The following SCCPDH variants were observed in gnomAD, a reference collection of about 807,000 sequenced individuals.
SCCPDH encodes saccharopine dehydrogenase (putative), also known as saccharopine dehydrogenase-like oxidoreductase.
In SCCPDH, 34 loss-of-function variants were observed where a neutral mutation model predicts 51.5. The ratio of observed to expected loss-of-function variants is 0.66; its 90% CI spans 0.50 to 0.88. SCCPDH has a LOEUF of 0.88. SCCPDH is among the 40% of genes least tolerant of loss of function. The probability of loss-of-function intolerance (pLI) is 0.00; values close to 1 mark genes in which losing one functional copy is unlikely to be tolerated. For missense variants in SCCPDH, 464 were observed against 527.1 expected (o/e 0.88, Z 1.17); for synonymous variants, 187 against 191.3 (o/e 0.98, Z 0.19).
chr1:246,759,171 T>C lies in SCCPDH; in HGVS notation c.813+20T>C, dbSNP rs1210085941. ...TCACCAGTAAGTATATATGGTTTATTTATCAATAAAGTGTGTGTTACAGTT... is the reference window on the plus strand; with the variant it reads ...TCACCAGTAAGTATATATGGTTTATCTATCAATAAAGTGTGTGTTACAGTT... On this transcript the variant is annotated intron_variant, in intron 7 of 11. Transcript: ENST00000366510. 2 of 1,234,734 alleles carry C rather than the reference T, an allele frequency of 1.6e-6. No homozygotes were observed. The highest frequency in any genetic ancestry group is 2.4e-6 in the Non-Finnish European group (2 of 834,950). 76.5% of individuals were successfully genotyped at this position (1,234,734 alleles called of 1,614,324 possible).
chr1:246,751,302 T>G (rs1668848228), intron 5 of SCCPDH, among the ~76,000 whole-genome samples: 1 of 152,246 alleles, frequency 6.6e-6, no homozygotes, highest in Non-Finnish European at 1.5e-5. Context: ...CCCTTTATAA[T>G]TTTTGTTAAA....
At chr1:246,727,137 T>C (rs2102978801) in intron 2 of SCCPDH, 133 bp downstream of exon 2, 1 of 685,054 alleles carries the variant, frequency 1.5e-6, no homozygotes, top group East Asian at 2.7e-5. Flanking sequence ...AGTTTTTTCT[T>C]CTTGCGAGGA....
In SCCPDH at chr1:246,740,194, A is replaced by G; in HGVS notation, c.407A>G (p.Lys136Arg). The G allele has an allele frequency of 6.3e-7, 1 of 1,599,170 alleles. No individual in the cohort carries two copies. Among genetic ancestry groups the G allele is most frequent in the Non-Finnish European group, 8.5e-7 (1 of 1,170,308 alleles). ...EPQFLELMQL[K>R]YHEKAADKGV... The stretch of plus-strand genomic sequence containing the variant: ...TAGTTTCTGGAACTAATGCAACTGA[A>G]GTATCATGAGAAAGCTGCAGACAAA... The change falls in exon 4 of 12, where the codon AAG becomes AGG. Residue 136 changes from lysine (K) to arginine (R), a missense_variant. Coordinates refer to ENST00000366510, the MANE Select transcript of SCCPDH (RefSeq NM_016002.3).
Position 246,764,247 on chromosome 1 carries a change from T to C in SCCPDH, c.992T>C (p.Ile331Thr). The change falls in exon 10 of 12, where the codon ATT (isoleucine) becomes ACT (threonine). Residue 331 changes from isoleucine to threonine, a missense_variant and splice_region_variant. Ile to Thr is a moderately conservative substitution (Grantham distance 89). Transcript: ENST00000366510. ...CGCCCTTTGCCTTCTCCTTCACAGA[T>C]TGATGCTGCCTCATTCACGCTGACA... ...FSKQGPTQKQIDAASFTLTFF... is the reference protein window; with the variant it reads ...FSKQGPTQKQTDAASFTLTFF... 1 of 1,608,362 alleles carries C rather than the reference T, an allele frequency of 6.2e-7. No homozygotes were observed. Among genetic ancestry groups the C allele is most frequent in the South Asian group, 1.1e-5 (1 of 90,644 alleles).
At chr1:246,748,603 A>C (rs149745617) in intron 5 of SCCPDH, among the ~76,000 whole-genome samples, 32 of 152,310 alleles carry the variant, frequency 2.1e-4, no homozygotes, top group Non-Finnish European at 4.4e-4. Flanking sequence ...TAATAGATGT[A>C]ATGTATCCAG....
chr1:246,762,896 G>A (rs1050554821), intron 9 of SCCPDH, among the ~76,000 whole-genome samples: 10 of 149,624 alleles, frequency 6.7e-5, no homozygotes, highest in Middle Eastern at 3.5e-3. Context: ...ACTGACACAT[G>A]CCCTCATCTT....
chr1:246,724,687 C>T lies in SCCPDH; in HGVS notation c.190+75C>T, dbSNP rs550990324. 255 of 1,314,820 alleles carry T rather than the reference C, an allele frequency of 1.9e-4. 1 individual carries two copies. The highest frequency in any genetic ancestry group is 2.5e-4 in the Non-Finnish European group (248 of 1,007,014). 81.4% of individuals were successfully genotyped at this position (1,314,820 alleles called of 1,614,324 possible). A position where few individuals can be genotyped will look rare whatever the true frequency, so the allele number is the denominator to read the frequency against. Reference sequence around the variant, plus strand: ...CCCGCATCGCCCCAAACGAGCGTTTCTCCCGCAGGGATGCGCCCTACGTGT... The same window carrying T: ...CCCGCATCGCCCCAAACGAGCGTTTTTCCCGCAGGGATGCGCCCTACGTGT... On this transcript the variant is annotated intron_variant, in intron 1 of 11. Coordinates refer to ENST00000366510, the MANE Select transcript of SCCPDH (RefSeq NM_016002.3).
Position 246,746,400 on chromosome 1 carries a change from C to T in SCCPDH, c.564+2275C>T, listed in dbSNP as rs369720957. Among the ~76,000 whole-genome samples, 31 of 152,296 alleles carry T rather than the reference C, an allele frequency of 2.0e-4. 1 individual carries two copies. In the East Asian group the frequency reaches 4.2e-3, roughly 21 times the overall value. On this transcript the variant is annotated intron_variant, in intron 5 of 11. Transcript: ENST00000366510. ...CTATAGATAACACAACCGGTCAGGT[C>T]AAGGGTCAATCTGTAACCAGGCCCA...
chr1:246,747,657 C>T (rs1262582903), intron 5 of SCCPDH, among the ~76,000 whole-genome samples: 1 of 152,114 alleles, frequency 6.6e-6, no homozygotes, highest in Non-Finnish European at 1.5e-5. Context: ...ATCCCTGACA[C>T]AGGTAGCCCC....
chr1:246,726,711 A>G (rs1483153482), intron 1 of SCCPDH, among the ~76,000 whole-genome samples, 181 bp from the exon 2 acceptor site: 1 of 152,040 alleles, frequency 6.6e-6, no homozygotes, highest in Non-Finnish European at 1.5e-5. Context: ...TTTTCCTCAT[A>G]ATTTTTTCCT....
chr1:246,740,113 T>C lies in SCCPDH; in HGVS notation c.385-59T>C, dbSNP rs1474947169. 2.3e-6 allele frequency: 3 copies of C among 1,328,896 alleles called. No individual in the cohort carries two copies. The African/African-American group carries it at 4.4e-5, about 20-fold the overall frequency. The allele number at this position is 1,328,896 out of a possible 1,614,324, so 82.3% of individuals were successfully genotyped here. Reference sequence around the variant, plus strand: ...GCTTTGTTTTTAAAGATAAATTATTTAATACTGGTCTACATCTTTCTGCAT... The same window carrying C: ...GCTTTGTTTTTAAAGATAAATTATTCAATACTGGTCTACATCTTTCTGCAT... On this transcript the variant is annotated intron_variant, in intron 3 of 11. Coordinates refer to ENST00000366510, the MANE Select transcript of SCCPDH (RefSeq NM_016002.3).
At chr1:246,745,018 G>A (rs79500294) in intron 5 of SCCPDH, among the ~76,000 whole-genome samples, 248 of 152,324 alleles carry the variant, frequency 1.6e-3, no homozygotes, top group Middle Eastern at 0.014. Context: ...TATCACTGGT[G>A]CACAGTAAAT....
chr1:246,758,200 CT>C, intron 5 of SCCPDH, 25 bp from the exon 6 acceptor site: 1 of 1,535,452 alleles, frequency 6.5e-7, no homozygotes, highest in Non-Finnish European at 8.8e-7. Context: ...TTTCATGTTT[CT>C]TTAACTCTTG....
chr1:246,746,197 G>A (rs922280680), intron 5 of SCCPDH, among the ~76,000 whole-genome samples: 42 of 150,718 alleles, frequency 2.8e-4, no homozygotes, highest in African/African-American at 8.1e-4. Context: ...TGAGCTCCCC[G>A]AGTGAGCAAT....
rs531408948 is a variant in SCCPDH, at chr1:246,741,011, G to C, written c.514+710G>C. ...AGGTAGGAGGATCACTTGAACCCAG[G>C]AGTTTGAGGCTTTAGTAAGCTATGA... On this transcript the variant is annotated intron_variant, in intron 4 of 11. Coordinates refer to ENST00000366510, the MANE Select transcript of SCCPDH (RefSeq NM_016002.3). 5.3e-5 allele frequency among the ~76,000 whole-genome samples: 8 copies of C among 152,224 alleles called. No individual in the cohort carries two copies. In the East Asian group the frequency reaches 1.5e-3, roughly 29 times the overall value.
chr1:246,740,988 G>A (rs1252646143), intron 4 of SCCPDH, among the ~76,000 whole-genome samples: 1 of 152,136 alleles, frequency 6.6e-6, no homozygotes, highest in Non-Finnish European at 1.5e-5. Flanking sequence ...GGAGGCTGAG[G>A]TAGGAGGATC....
At position 246,750,344 on chromosome 1, in the gene SCCPDH, G is replaced by T. The variant is rs1273878805; in HGVS notation, c.564+6219G>T. Among the ~76,000 whole-genome samples the T allele has an allele frequency of 3.3e-5, 5 of 152,188 alleles. No individual in the cohort carries two copies. The East Asian group carries it at 5.8e-4, about 18-fold the overall frequency. ...GAGGAACTGATCTTTTGTTTTGACT[G>T]TGGGAATGTCAGCAGTGGAGTGCAA... On this transcript the variant is annotated intron_variant, in intron 5 of 11. Coordinates refer to ENST00000366510, the MANE Select transcript of SCCPDH (RefSeq NM_016002.3).
In SCCPDH at chr1:246,742,325, A is replaced by G. The variant is rs150147213; in HGVS notation, c.515-1751A>G. 1.8e-3 allele frequency among the ~76,000 whole-genome samples: 270 copies of G among 152,284 alleles called. 1 individual carries two copies. Among genetic ancestry groups the G allele is most frequent in the Non-Finnish European group, 2.0e-3 (134 of 68,020 alleles). On this transcript the variant is annotated intron_variant, in intron 4 of 11. Coordinates refer to ENST00000366510, the MANE Select transcript of SCCPDH (RefSeq NM_016002.3). ...AGGTTGTTCTCTGCTTTTATTTTGAATAAGCCTTTTTTTCCTTCATAAGGG... is the reference window on the plus strand; with the variant it reads ...AGGTTGTTCTCTGCTTTTATTTTGAGTAAGCCTTTTTTTCCTTCATAAGGG...
intron 3 of SCCPDH, among the ~76,000 whole-genome samples, chr1:246,736,989 T>C (rs1338726160): frequency 6.6e-6 from 1 of 152,118 alleles, no homozygotes; most frequent in Non-Finnish European, 1.5e-5. Context: ...ACCTAGTAAG[T>C]AGAAGAACTA....
Sources: allele counts gnomAD v4.1 joint callset (sites outside exome capture counted in the v4.1 genomes callset), GRCh38; gene constraint gnomAD v4.1.1; transcripts MANE v1.5; gene names NCBI Gene and HGNC (gene_info 2026-07-23, HGNC 2026-07-21).